CBL: variants seen among roughly 807,000 people sequenced by gnomAD.
CBL encodes the protein E3 ubiquitin-protein ligase CBL.
A neutral mutation model predicts 96.9 loss-of-function variants in CBL; 45 were observed. The observed-to-expected ratio is 0.46, with a 90% CI of 0.37 to 0.60. The LOEUF (loss-of-function observed/expected upper bound fraction) is 0.60. Ranked by LOEUF, CBL falls within the 20% of genes least tolerant of loss-of-function variation. The pLI is 0.00. For missense variants in CBL, 1,024 were observed against 1,143.5 expected (o/e 0.90, Z 1.51); for synonymous variants, 420 against 426.8 (o/e 0.98, Z 0.20).
chr11:119,210,498 C>T (rs998219571), intron 1 of CBL, among the ~76,000 whole-genome samples: 5 of 151,920 alleles, frequency 3.3e-5, no homozygotes, highest in African/African-American at 7.3e-5. Flanking sequence ...GGCATGATCT[C>T]GGCTCATTGT....
intron 2 of CBL, among the ~76,000 whole-genome samples, chr11:119,253,907 C>G (rs557636004): frequency 6.7e-6 from 1 of 149,980 alleles, no homozygotes; most frequent in East Asian, 2.0e-4. Context: ...TAAGTAATCC[C>G]AGCACTTTTG....
At chr11:119,282,329 A>G (rs552921103) in intron 9 of CBL, among the ~76,000 whole-genome samples, 1 of 148,738 alleles carries the variant, frequency 6.7e-6, no homozygotes, top group Non-Finnish European at 1.5e-5. Context: ...CAAGAGTGAG[A>G]CTCCATCTCA....
chr11:119,218,956 G>T (rs1440924422), intron 1 of CBL, among the ~76,000 whole-genome samples: 4 of 152,188 alleles, frequency 2.6e-5, no homozygotes, highest in Non-Finnish European at 5.9e-5. Flanking sequence ...AATGGCTCAT[G>T]CCTGTAATCC....
In CBL at chr11:119,301,299, T is replaced by A; in HGVS notation, c.*1518T>A. On this transcript the variant is annotated 3_prime_UTR_variant, in exon 16 of 16. Coordinates refer to ENST00000264033, the MANE Select transcript of CBL (RefSeq NM_005188.4). The stretch of plus-strand genomic sequence containing the variant: ...TGTAATTGCAAGTTCATAAAGAGAA[T>A]TGAGGGTCCAGTTGGGAGAACTATT... The A allele has an allele frequency of 4.3e-6, 1 of 233,272 alleles. No homozygotes were observed. The allele number at this position is 233,272 out of a possible 1,614,324, so 14.5% of individuals were successfully genotyped here.
rs1415661404 is a variant in CBL at position 119,299,704 on chromosome 11, C to A, written c.2644C>A (p.Gln882Lys). ...QDIQKALVIA[Q>K]NNIEMAKNIL... The stretch of plus-strand genomic sequence containing the variant: ...CATCCAGAAAGCTTTGGTCATTGCC[C>A]AGAACAACATCGAGATGGCCAAAAA... The change falls in exon 16 of 16, where the codon CAG becomes AAG. Residue 882 changes from glutamine to lysine, a missense_variant. This residue lies in a region of CBL where 23 missense variants were observed against 42.7 expected (regional missense o/e 0.54). Coordinates refer to ENST00000264033, the MANE Select transcript of CBL (RefSeq NM_005188.4). 6.2e-7 allele frequency: 1 copy of A among 1,614,170 alleles called. No individual in the cohort carries two copies. Among genetic ancestry groups the A allele is most frequent in the Non-Finnish European group, 8.5e-7 (1 of 1,180,030 alleles).
intron 1 of CBL, among the ~76,000 whole-genome samples, chr11:119,225,724 CTTTTTTTTTTTT>C: frequency 9.8e-6 from 1 of 102,464 alleles, no homozygotes; most frequent in African/African-American, 4.0e-5. Flanking sequence ...TAAATATTTT[CTTTTTTTTTTTT>C]TTTTTTTTGA....
Position 119,303,471 on chromosome 11 carries a change from G to A in CBL, c.*3690G>A. ...GTAGTTTACTAATGTTTGGGGGATT[G>A]TACTTGGACTGTCATAGCCTCTGCG... On this transcript the variant is annotated 3_prime_UTR_variant, in exon 16 of 16. Transcript: ENST00000264033. The A allele has an allele frequency of 8.6e-6, 2 of 233,670 alleles. No individual in the cohort carries two copies. The highest frequency in any genetic ancestry group is 1.7e-5 in the Non-Finnish European group (2 of 118,020). 14.5% of individuals were successfully genotyped at this position (233,670 alleles called of 1,614,324 possible).
intron 2 of CBL, among the ~76,000 whole-genome samples, chr11:119,269,161 G>A (rs1297802409): frequency 2.0e-5 from 3 of 151,654 alleles, no homozygotes; most frequent in Non-Finnish European, 2.9e-5. Context: ...TTTGGTACAT[G>A]GTAGAAATTC....
chr11:119,284,321 G>A (rs1424851293), intron 9 of CBL, among the ~76,000 whole-genome samples: 1 of 149,510 alleles, frequency 6.7e-6, no homozygotes, highest in Non-Finnish European at 1.5e-5. Context: ...TTTTATTTTT[G>A]TCGAGACAGG....
intron 9 of CBL, among the ~76,000 whole-genome samples, chr11:119,284,091 A>C (rs1949961800): frequency 6.6e-6 from 1 of 152,038 alleles, no homozygotes; most frequent in East Asian, 1.9e-4. Flanking sequence ...GCTGGTCTTG[A>C]ACTCCTGGCC....
chr11:119,297,616 C>T, intron 14 of CBL, 135 bp downstream of exon 14: 2 of 715,610 alleles, frequency 2.8e-6, no homozygotes, highest in South Asian at 1.5e-5. Context: ...TGCCACCATG[C>T]CCGGCTAATT....
chr11:119,248,703 C>A (rs1320735409), intron 2 of CBL, among the ~76,000 whole-genome samples: 2 of 152,150 alleles, frequency 1.3e-5, no homozygotes, highest in Admixed American at 6.6e-5. Context: ...GAAAAGGCAG[C>A]ACACAGAATG....
chr11:119,293,092 T>C (rs564473938), intron 12 of CBL, among the ~76,000 whole-genome samples: 1 of 149,096 alleles, frequency 6.7e-6, no homozygotes, highest in South Asian at 2.4e-4. Context: ...TTTAAAAATG[T>C]ATCGATTCCA....
chr11:119,244,421 A>T, intron 2 of CBL, among the ~76,000 whole-genome samples: 1 of 146,598 alleles, frequency 6.8e-6, no homozygotes, highest in Non-Finnish European at 1.5e-5. Flanking sequence ...TTTTTAATTA[A>T]TTTTTTTTTT....
intron 6 of CBL, among the ~76,000 whole-genome samples, chr11:119,277,314 G>A (rs1388497064): frequency 6.6e-6 from 1 of 151,180 alleles, no homozygotes; most frequent in Non-Finnish European, 1.5e-5. Flanking sequence ...TTAAAAATGG[G>A]TTGGTAAACT....
At chr11:119,226,467 C>T (rs1949459350) in intron 1 of CBL, among the ~76,000 whole-genome samples, 1 of 152,024 alleles carries the variant, frequency 6.6e-6, no homozygotes, top group Admixed American at 6.6e-5. Flanking sequence ...GAAATTTACT[C>T]AACTTAAATG....
intron 2 of CBL, among the ~76,000 whole-genome samples, chr11:119,247,220 A>G (rs1234102217): frequency 2.0e-5 from 3 of 152,206 alleles, no homozygotes; most frequent in Non-Finnish European, 2.9e-5. Context: ...AACACAGTTA[A>G]TAACTTGATG....
rs762084820 is a variant in CBL, at chr11:119,240,315, AAAAG to A, written c.443+7628_443+7631del. 8.5e-5 allele frequency among the ~76,000 whole-genome samples: 13 copies of A among 152,096 alleles called. No homozygotes were observed. The South Asian group carries it at 1.0e-3, about 12-fold the overall frequency. On this transcript the variant is annotated intron_variant, in intron 2 of 15. Coordinates refer to ENST00000264033, the MANE Select transcript of CBL (RefSeq NM_005188.4). Reference sequence around the variant, plus strand: ...TTACCAATTAAAAAAAAAAAGAAAAAAAAGAAAGAAAAAGAAAAATTGCACTAAA... The same window carrying A: ...TTACCAATTAAAAAAAAAAAGAAAAAAAAGAAAAAGAAAAATTGCACTAAA...
intron 1 of CBL, among the ~76,000 whole-genome samples, chr11:119,217,198 G>T (rs551929756): frequency 1.3e-5 from 2 of 152,168 alleles, no homozygotes; most frequent in Admixed American, 1.3e-4. Flanking sequence ...GCTCACTGCA[G>T]CCTCCACCTC....
Sources: gnomAD v4.1 joint callset for allele counts (sites outside exome capture counted in the v4.1 genomes callset) on GRCh38, gnomAD v4.1.1 for gene constraint, gnomAD v4.1.1 regional missense constraint, MANE v1.5 for transcripts, NCBI Gene and HGNC (gene_info 2026-07-23, HGNC 2026-07-21) for gene names.